The following MAPK10 variants were observed in gnomAD, a reference collection of about 807,000 sequenced individuals.
The protein encoded by MAPK10 is mitogen-activated protein kinase 10, also known as JNK3 alpha protein kinase.
In MAPK10, 25 loss-of-function variants were observed where a neutral mutation model predicts 59.3. That is an observed-to-expected ratio of 0.42 (90% CI 0.31 to 0.59). The LOEUF is 0.59. Among genes scored for constraint, MAPK10 ranks in the 20% least tolerant of loss-of-function variants. The pLI, the probability that MAPK10 is intolerant of heterozygous loss-of-function variation, is 0.15. For missense variants in MAPK10, 351 were observed against 568.9 expected, an observed-to-expected ratio of 0.62 and a Z score of 3.90; for synonymous variants, 190 against 200.5, an observed-to-expected ratio of 0.95 and a Z score of 0.44.
chr4:86,193,798 G>A (rs1297109753), intron 3 of MAPK10: 4 of 159,904 alleles, frequency 2.5e-5, no homozygotes, highest in Non-Finnish European at 5.4e-5. Context: ...GGCACCACTG[G>A]GGTATGAAAA....
At chr4:86,287,584 C>A (rs1157297277) in intron 2 of MAPK10, among the ~76,000 whole-genome samples, 1 of 152,176 alleles carries the variant, frequency 6.6e-6, no homozygotes, top group African/African-American at 2.4e-5. Flanking sequence ...AGAGTTGTGA[C>A]TTTTATTGTC....
At chr4:86,517,856 C>T (rs1177182465) in intron 1 of MAPK10, among the ~76,000 whole-genome samples, 1 of 152,128 alleles carries the variant, frequency 6.6e-6, no homozygotes, top group Admixed American at 6.5e-5. Context: ...AGGATTGGTA[C>T]CAGTTCTTCT....
intron 1 of MAPK10, among the ~76,000 whole-genome samples, chr4:86,574,135 T>C (rs370530385): frequency 7.2e-5 from 11 of 151,856 alleles, no homozygotes; most frequent in African/African-American, 2.4e-4. Context: ...AATTCCCACC[T>C]ATGAGTGAGA....
intron 4 of MAPK10, among the ~76,000 whole-genome samples, chr4:86,136,546 G>A (rs1193530169): frequency 6.7e-6 from 1 of 150,232 alleles, no homozygotes; most frequent in African/African-American, 2.5e-5. Context: ...GCTAAACATG[G>A]AAAGGAACAA....
intron 2 of MAPK10, among the ~76,000 whole-genome samples, chr4:86,208,346 T>C (rs1268494126): frequency 6.7e-6 from 1 of 148,992 alleles, no homozygotes; most frequent in Non-Finnish European, 1.5e-5. Context: ...CTCAATAAAA[T>C]ACTGGCAATC....
intron 2 of MAPK10, among the ~76,000 whole-genome samples, chr4:86,292,361 T>C (rs930824696): frequency 6.6e-6 from 1 of 152,104 alleles, no homozygotes; most frequent in Admixed American, 6.6e-5. Flanking sequence ...CTGTCAACAA[T>C]GTGTAGGAAG....
At position 86,330,464 on chromosome 4, in the gene MAPK10, T is replaced by C. The variant is rs902180359; in HGVS notation, c.-7+24066A>G. Among the ~76,000 whole-genome samples, 32 of 152,194 alleles carry C rather than the reference T, an allele frequency of 2.1e-4. 1 individual carries two copies. Among genetic ancestry groups the C allele is most frequent in the African/African-American group, 7.5e-4 (31 of 41,454 alleles). On this transcript the variant is annotated intron_variant, in intron 2 of 13. Transcript: ENST00000641462. ...ATCTCATCTCAAACTGTATTTCCCATAATCCCCACACGTCATGGGAGGGAC... is the reference window on the plus strand; with the variant it reads ...ATCTCATCTCAAACTGTATTTCCCACAATCCCCACACGTCATGGGAGGGAC...
intron 1 of MAPK10, among the ~76,000 whole-genome samples, chr4:86,581,587 C>T (rs2149112622): frequency 6.6e-6 from 1 of 151,766 alleles, no homozygotes. Context: ...AATCATGCCA[C>T]ATTTCCCCAG....
intron 2 of MAPK10, among the ~76,000 whole-genome samples, chr4:86,196,116 T>C (rs1466599952): frequency 6.6e-6 from 1 of 152,182 alleles, no homozygotes; most frequent in East Asian, 1.9e-4. Context: ...ATGGTATTTC[T>C]GGTTCTAGAT....
At chr4:86,089,136 T>C in intron 9 of MAPK10, 1 of 1,159,674 alleles carries the variant, frequency 8.6e-7, no homozygotes, top group East Asian at 2.5e-5. Context: ...TAAGCAGTAC[T>C]GCATTTGAGA....
chr4:86,230,387 C>A (rs568920097), intron 2 of MAPK10, among the ~76,000 whole-genome samples: 12 of 152,292 alleles, frequency 7.9e-5, no homozygotes, highest in Non-Finnish European at 1.5e-5. Flanking sequence ...ATACGCCTTG[C>A]TCAGGGAATG....
chr4:86,334,736 C>T (rs1255294721), intron 2 of MAPK10, among the ~76,000 whole-genome samples: 1 of 125,146 alleles, frequency 8.0e-6, no homozygotes, highest in Non-Finnish European at 1.7e-5. Context: ...ATTCAGTACC[C>T]TATGCTCATT....
At chr4:86,485,352 T>C (rs1753909295) in intron 1 of MAPK10, among the ~76,000 whole-genome samples, 1 of 152,206 alleles carries the variant, frequency 6.6e-6, no homozygotes, top group Non-Finnish European at 1.5e-5. Flanking sequence ...TATTTGACTT[T>C]TTGATTAATG....
At chr4:86,400,770 C>T (rs909653241) in intron 1 of MAPK10, among the ~76,000 whole-genome samples, 1 of 152,082 alleles carries the variant, frequency 6.6e-6, no homozygotes, top group African/African-American at 2.4e-5. Context: ...AAGTCAATTA[C>T]TTCTAATTCA....
At chr4:86,499,273 T>C (rs1462084919) in intron 1 of MAPK10, among the ~76,000 whole-genome samples, 2 of 152,100 alleles carry the variant, frequency 1.3e-5, no homozygotes, top group Non-Finnish European at 2.9e-5. Context: ...TTCCAGATTA[T>C]CACAATCAAA....
intron 1 of MAPK10, among the ~76,000 whole-genome samples, chr4:86,482,629 A>G (rs1226962786): frequency 1.3e-5 from 2 of 152,144 alleles, no homozygotes; most frequent in African/African-American, 2.4e-5. Flanking sequence ...TGTTTTGACA[A>G]AAATGAGCAG....
chr4:86,050,969 G>A (rs2043401714), intron 11 of MAPK10, among the ~76,000 whole-genome samples: 1 of 152,124 alleles, frequency 6.6e-6, no homozygotes. Flanking sequence ...GAGGAACATC[G>A]AAGGAATTCA....
intron 2 of MAPK10, among the ~76,000 whole-genome samples, chr4:86,218,802 A>G (rs899593950): frequency 7.9e-5 from 12 of 152,200 alleles, no homozygotes; most frequent in African/African-American, 2.7e-4. Flanking sequence ...AATGAGCAGA[A>G]TAAATTCGGA....
chr4:86,109,499 TC>T (rs201024851), intron 4 of MAPK10, among the ~76,000 whole-genome samples: 3,574 of 152,252 alleles, frequency 0.023, 139 homozygotes, highest in African/African-American at 0.081. Context: ...GGTTTTCTGT[TC>T]CTGCATTAGT....
Sources: allele counts gnomAD v4.1 joint callset (sites outside exome capture counted in the v4.1 genomes callset), GRCh38; gene constraint gnomAD v4.1.1; transcripts MANE v1.5; gene names NCBI Gene and HGNC (gene_info 2026-07-23, HGNC 2026-07-21).